PARD3B: variants seen among roughly 807,000 people sequenced by gnomAD.
PARD3B encodes par-3 family cell polarity regulator beta.
A neutral mutation model predicts 130.2 loss-of-function variants in PARD3B; 103 were observed. The ratio of observed to expected loss-of-function variants is 0.79; its 90% CI spans 0.67 to 0.93. The LOEUF (loss-of-function observed/expected upper bound fraction) is 0.93. Ranked by LOEUF, PARD3B falls within the 40% of genes least tolerant of loss-of-function variation. PARD3B has a pLI of 0.00. For synonymous variants in PARD3B, 583 were observed against 553.2 expected (o/e 1.05, Z -0.76); for missense variants, 1,609 against 1,499.2 (o/e 1.07, Z -1.21).
Position 205,421,121 on chromosome 2 carries a change from C to T in PARD3B, c.2742-19249C>T, listed in dbSNP as rs1199877948. The stretch of plus-strand genomic sequence containing the variant: ...ACTCCAGCCTGGTAACAGAGCAAGA[C>T]TCCATCTCAAAAAACAAAAAAAACA... On this transcript the variant is annotated intron_variant, in intron 19 of 22. Coordinates refer to ENST00000406610, the MANE Select transcript of PARD3B (RefSeq NM_001302769.2). The surrounding 1 kb of genome is among the most constrained non-coding windows in gnomAD (Gnocchi z 5.1). Among the ~76,000 whole-genome samples, 1 of 151,564 alleles carries T rather than the reference C, an allele frequency of 6.6e-6. No individual in the cohort carries two copies. The highest frequency in any genetic ancestry group is 2.4e-5 in the African/African-American group (1 of 41,098).
chr2:204,586,092 C>G (rs1330613983), intron 1 of PARD3B, among the ~76,000 whole-genome samples: 1 of 152,216 alleles, frequency 6.6e-6, no homozygotes, highest in Non-Finnish European at 1.5e-5. Context: ...CAGTAGCTCC[C>G]CTGTAGAGCT....
At chr2:205,066,026 A>C (rs1233783648) in intron 4 of PARD3B, among the ~76,000 whole-genome samples, 1 of 152,146 alleles carries the variant, frequency 6.6e-6, no homozygotes, top group Non-Finnish European at 1.5e-5. Flanking sequence ...TCCATAGGTA[A>C]GGGAATTTTG....
intron 16 of PARD3B, among the ~76,000 whole-genome samples, chr2:205,252,045 G>A (rs564613620): frequency 6.6e-6 from 1 of 152,196 alleles, no homozygotes; most frequent in South Asian, 2.1e-4. Context: ...AGCAACTCTA[G>A]TATTTCCACA....
chr2:204,955,986 C>A (rs1690203565), intron 2 of PARD3B, among the ~76,000 whole-genome samples: 1 of 152,138 alleles, frequency 6.6e-6, no homozygotes, highest in Non-Finnish European at 1.5e-5. Context: ...TGAAGCTGGG[C>A]CAAGACCACA....
Position 205,074,465 on chromosome 2 carries a change from C to T in PARD3B, c.504+26775C>T, listed in dbSNP as rs113675488. 1.4e-4 allele frequency among the ~76,000 whole-genome samples: 21 copies of T among 152,260 alleles called. 1 individual carries two copies. The highest frequency in any genetic ancestry group is 4.6e-4 in the African/African-American group (19 of 41,556). The stretch of plus-strand genomic sequence containing the variant: ...TATGGAACGACTTCAGAAAAACTAT[C>T]GTATGTCATCTATTGCCTGTTGCAT... On this transcript the variant is annotated intron_variant, in intron 4 of 22. Coordinates refer to ENST00000406610, the MANE Select transcript of PARD3B (RefSeq NM_001302769.2).
At chr2:204,955,328 C>T (rs1054231788) in intron 2 of PARD3B, among the ~76,000 whole-genome samples, 1 of 152,184 alleles carries the variant, frequency 6.6e-6, no homozygotes, top group Admixed American at 6.5e-5. Flanking sequence ...TCATAATATA[C>T]TAAGTAGATT....
intron 2 of PARD3B, among the ~76,000 whole-genome samples, chr2:204,928,294 T>C (rs1009393242): frequency 4.6e-5 from 7 of 152,124 alleles, no homozygotes; most frequent in African/African-American, 1.7e-4. Flanking sequence ...GCAGGGTCTC[T>C]AGAGGCCTCG....
At chr2:205,553,538 C>T (rs2052742516) in intron 22 of PARD3B, 135 bp downstream of exon 22, 1 of 742,408 alleles carries the variant, frequency 1.3e-6, no homozygotes, top group African/African-American at 1.8e-5. Context: ...CTGCTGTAGC[C>T]CTAGTTCCAT....
chr2:205,100,429 A>G (rs1328872688), intron 4 of PARD3B, among the ~76,000 whole-genome samples: 1 of 152,062 alleles, frequency 6.6e-6, no homozygotes, highest in Non-Finnish European at 1.5e-5. Flanking sequence ...TATGTATTCA[A>G]TGCAATCCCT....
intron 4 of PARD3B, among the ~76,000 whole-genome samples, chr2:205,051,536 T>A (rs925564628): frequency 5.9e-5 from 9 of 152,242 alleles, no homozygotes; most frequent in African/African-American, 2.2e-4. Context: ...TTTGATTATG[T>A]TGAAATACTG....
At chr2:204,940,567 A>T (rs1399248820) in intron 2 of PARD3B, among the ~76,000 whole-genome samples, 1 of 152,086 alleles carries the variant, frequency 6.6e-6, no homozygotes, top group East Asian at 1.9e-4. Flanking sequence ...TACAAAAAAA[A>T]TTGTAGAAAG....
chr2:205,614,776 G>A (rs911695054), intron 22 of PARD3B, among the ~76,000 whole-genome samples: 1 of 151,826 alleles, frequency 6.6e-6, no homozygotes, highest in Non-Finnish European at 1.5e-5. Context: ...GGACTGTAGA[G>A]CATTTAGGGA....
chr2:204,559,438 A>G (rs1169244157), intron 1 of PARD3B, among the ~76,000 whole-genome samples: 1 of 152,242 alleles, frequency 6.6e-6, no homozygotes. Context: ...ACATGAAATA[A>G]TGCTTGTCAT....
At chr2:205,027,445 A>G (rs572512571) in intron 3 of PARD3B, among the ~76,000 whole-genome samples, 1 of 152,196 alleles carries the variant, frequency 6.6e-6, no homozygotes, top group East Asian at 1.9e-4. Context: ...TGAATTTATA[A>G]TATTTTTGGA....
chr2:205,109,943 C>T (rs997217622), intron 5 of PARD3B, among the ~76,000 whole-genome samples: 9 of 152,030 alleles, frequency 5.9e-5, no homozygotes, highest in African/African-American at 9.7e-5. Flanking sequence ...CGTGAGCCAA[C>T]GCGCCTGGCC....
chr2:205,038,804 A>G (rs1180357192), intron 3 of PARD3B, among the ~76,000 whole-genome samples: 1 of 152,182 alleles, frequency 6.6e-6, no homozygotes, highest in Non-Finnish European at 1.5e-5. Flanking sequence ...AATGAGAGAA[A>G]AATGATATGA....
intron 10 of PARD3B, among the ~76,000 whole-genome samples, chr2:205,134,205 C>T (rs1306704332): frequency 6.6e-6 from 1 of 152,024 alleles, no homozygotes; most frequent in Non-Finnish European, 1.5e-5. Flanking sequence ...AAACACTGCC[C>T]CTTACCAGCA....
chr2:205,297,417 G>A (rs1019426750), intron 16 of PARD3B, among the ~76,000 whole-genome samples: 3 of 152,122 alleles, frequency 2.0e-5, no homozygotes, highest in African/African-American at 4.8e-5. Flanking sequence ...GATTGAAAGT[G>A]GCAATTTATT....
At chr2:205,429,730 T>A (rs1027061308) in intron 19 of PARD3B, among the ~76,000 whole-genome samples, 3 of 152,228 alleles carry the variant, frequency 2.0e-5, no homozygotes, top group African/African-American at 2.4e-5. Flanking sequence ...ATTGGTTTCA[T>A]AGGGCCGCCA....
Sources: allele counts gnomAD v4.1 joint callset (sites outside exome capture counted in the v4.1 genomes callset), GRCh38; gene constraint gnomAD v4.1.1; non-coding constraint Gnocchi (gnomAD v3.1); transcripts MANE v1.5; gene names NCBI Gene and HGNC (gene_info 2026-07-23, HGNC 2026-07-21).